CD36: variants seen among roughly 807,000 people sequenced by gnomAD.
CD36 encodes the protein platelet glycoprotein 4.
A neutral mutation model predicts 55.2 loss-of-function variants in CD36; 119 were observed. The observed-to-expected ratio is 2.15, with a 90% CI of 1.86 to 2.51. CD36 has a LOEUF of 2.51. Ranked by LOEUF, CD36 falls within the 30% of genes most tolerant of loss-of-function variation. CD36 has a pLI of 0.00. For missense variants in CD36, 819 were observed against 555.5 expected (o/e 1.47, Z -4.77); for synonymous variants, 186 against 193.6 (o/e 0.96, Z 0.33).
intron 12 of CD36, chr7:80,673,072 G>A: frequency 1.9e-6 from 1 of 537,664 alleles, no homozygotes; most frequent in Non-Finnish European, 3.3e-6. Context: ...TTTGTTAGCT[G>A]CCCAAATATT....
chr7:80,674,222 A>T, intron 14 of CD36, 75 bp downstream of exon 14: 1 of 1,060,158 alleles, frequency 9.4e-7, no homozygotes, highest in Admixed American at 1.9e-5. Flanking sequence ...ATCAAAGAGA[A>T]GTTACATATT....
intron 1 of CD36, among the ~76,000 whole-genome samples, chr7:80,619,991 T>G (rs1393901745): frequency 6.6e-6 from 1 of 152,232 alleles, no homozygotes; most frequent in East Asian, 1.9e-4. Context: ...GAGAAGTAGC[T>G]TTTCTAATTG....
chr7:80,671,859 T>C, intron 10 of CD36, 63 bp from the exon 11 acceptor site: 1 of 1,466,510 alleles, frequency 6.8e-7, no homozygotes, highest in Non-Finnish European at 9.5e-7. Flanking sequence ...GAAATATTTT[T>C]TGAGTTATAT....
At chr7:80,670,179 ATTTTTTTTTTTTT>A in intron 9 of CD36, 157 bp downstream of exon 9, 1 of 537,416 alleles carries the variant, frequency 1.9e-6, no homozygotes, top group Middle Eastern at 3.8e-4. Flanking sequence ...AATAGTACAA[ATTTTTTTTTTTTT>A]TGCCATTTCT....
rs541781124 is a variant in CD36, at chr7:80,668,498, C to T, written c.749-1455C>T. On this transcript the variant is annotated intron_variant, in intron 8 of 14. Transcript: ENST00000447544. Reference sequence around the variant, plus strand: ...ACCTTCTTCAGTAAGTTTGAAAAGACTTAAAATGAAAGTATTGGTATACAT... The same window carrying T: ...ACCTTCTTCAGTAAGTTTGAAAAGATTTAAAATGAAAGTATTGGTATACAT... Among the ~76,000 whole-genome samples, 4 of 152,220 alleles carry T rather than the reference C, an allele frequency of 2.6e-5. No homozygotes were observed. In the East Asian group the frequency reaches 7.7e-4, roughly 29 times the overall value.
chr7:80,673,978 T>TACAGACTGGGACCATTGGTGATG lies in CD36; in HGVS notation c.1255-3_1274dup. On this transcript the variant is annotated splice_region_variant and splice_polypyrimidine_tract_variant and intron_variant, in intron 13 of 14. Transcript: ENST00000447544. ...AAATAATGTTGATTATTAACTTGAT[T>TACAGACTGGGACCATTGGTGATG]ACAGACTGGGACCATTGGTGATGAG... The TACAGACTGGGACCATTGGTGATG allele has an allele frequency of 6.2e-7, 1 of 1,609,808 alleles. No individual in the cohort carries two copies. The highest frequency in any genetic ancestry group is 8.5e-7 in the Non-Finnish European group (1 of 1,176,808).
At chr7:80,635,790 C>G (rs1222532424), upstream of CD36, among the ~76,000 whole-genome samples, 3 of 152,146 alleles carry the variant, frequency 2.0e-5, no homozygotes, top group African/African-American at 7.2e-5. Context: ...TAATCTGAAT[C>G]AAACCATTAC....
chr7:80,656,901 G>T (rs1796133787), intron 4 of CD36, among the ~76,000 whole-genome samples: 1 of 151,870 alleles, frequency 6.6e-6, no homozygotes, highest in Non-Finnish European at 1.5e-5. Flanking sequence ...GAAAAAAGTG[G>T]AAGATATATA....
intron 1 of CD36, among the ~76,000 whole-genome samples, chr7:80,631,162 ATTG>A (rs371661586): frequency 8.2e-4 from 124 of 152,096 alleles, no homozygotes; most frequent in African/African-American, 2.6e-3. Flanking sequence ...CATACCTACT[ATTG>A]TTTACTTAAT....
intron 1 of CD36, among the ~76,000 whole-genome samples, chr7:80,606,613 C>T (rs968753326): frequency 1.3e-5 from 2 of 152,068 alleles, no homozygotes; most frequent in African/African-American, 4.8e-5. Flanking sequence ...ATGTCTTTGC[C>T]GCATGTACTG....
chr7:80,663,500 T>C (rs1796728667), intron 6 of CD36, among the ~76,000 whole-genome samples: 1 of 152,174 alleles, frequency 6.6e-6, no homozygotes, highest in Admixed American at 6.5e-5. Flanking sequence ...CCTATTCACA[T>C]AATCAAGTTT....
chr7:80,602,283 C>G (rs142242945), exon 1 of CD36: 1 of 152,096 alleles, frequency 6.6e-6, no homozygotes, highest in African/African-American at 2.4e-5. Flanking sequence ...GCTGCTATGC[C>G]GTGGAAATCC....
At position 80,677,000 on chromosome 7, in the gene CD36, TCTTC is replaced by T. The variant is rs1274798950; in HGVS notation, c.*621_*624del. ...ACAGGTTTCAACCATTAAAATATGT[TCTTC>T]CTTAAATTCCTGTGCTTTTTCTAGT... On this transcript the variant is annotated 3_prime_UTR_variant, in exon 15 of 15. Transcript: ENST00000447544. 5 of 152,318 alleles carry T rather than the reference TCTTC, an allele frequency of 3.3e-5. No homozygotes were observed. Among genetic ancestry groups the T allele is most frequent in the African/African-American group, 1.2e-4 (5 of 41,574 alleles). The allele number at this position is 152,318 out of a possible 1,614,324, so 9.4% of individuals were successfully genotyped here. A position where few individuals can be genotyped will look rare whatever the true frequency, so the allele number is the denominator to read the frequency against.
At chr7:80,605,666 A>C (rs1293701491) in intron 1 of CD36, among the ~76,000 whole-genome samples, 1 of 152,226 alleles carries the variant, frequency 6.6e-6, no homozygotes, top group Non-Finnish European at 1.5e-5. Context: ...AAATATCTGT[A>C]GTATGGACTC....
In CD36 at chr7:80,673,532, GTATACATTTATTTAACCT is replaced by G. The variant is rs1444985223; in HGVS notation, c.1254+124_1254+141del. 9.9e-6 allele frequency: 7 copies of G among 707,482 alleles called. No individual in the cohort carries two copies. The Admixed American group carries it at 1.5e-4, about 15-fold the overall frequency. The allele number at this position is 707,482 out of a possible 1,614,324, so 43.8% of individuals were successfully genotyped here. ...GTATTTCCATTACCCATATGGATGA[GTATACATTTATTTAACCT>G]ATTTGAGATGATCCAATTGAACAAA... is the stretch of plus-strand genomic sequence containing the variant. On this transcript the variant is annotated intron_variant, in intron 13 of 14. Coordinates refer to ENST00000447544, the MANE Select transcript of CD36 (RefSeq NM_001001548.3).
intron 8 of CD36, among the ~76,000 whole-genome samples, chr7:80,669,338 A>T (rs1290391358): frequency 6.6e-6 from 1 of 152,196 alleles, no homozygotes; most frequent in Non-Finnish European, 1.5e-5. Context: ...CTGTAAATAT[A>T]AAATGCACAG....
At chr7:80,658,474 T>C (rs914026039) in intron 4 of CD36, among the ~76,000 whole-genome samples, 4 of 152,042 alleles carry the variant, frequency 2.6e-5, no homozygotes, top group Non-Finnish European at 5.9e-5. Flanking sequence ...GGGGAAGTTA[T>C]ATTTTTCACT....
At chr7:80,670,279 C>G in intron 9 of CD36, 1 of 466,584 alleles carries the variant, frequency 2.1e-6, no homozygotes, top group Non-Finnish European at 3.9e-6. Context: ...AGGGCGTGCC[C>G]AATCTTTCTA....
intron 5 of CD36, among the ~76,000 whole-genome samples, chr7:80,661,682 CAAAA>C (rs374367561): frequency 6.6e-6 from 1 of 151,618 alleles, no homozygotes; most frequent in African/African-American, 2.4e-5. Flanking sequence ...TTTAACCAAA[CAAAA>C]ACAAACAAAC....
Sources: gnomAD v4.1 joint callset for allele counts (sites outside exome capture counted in the v4.1 genomes callset) on GRCh38, gnomAD v4.1.1 for gene constraint, MANE v1.5 for transcripts, NCBI Gene and HGNC (gene_info 2026-07-23, HGNC 2026-07-21) for gene names.